The following KCNQ3 variants were observed in gnomAD, a reference collection of about 807,000 sequenced individuals.
KCNQ3 encodes potassium voltage-gated channel subfamily Q member 3.
A neutral mutation model predicts 92.5 loss-of-function variants in KCNQ3; 30 were observed. The observed-to-expected ratio is 0.32, with a 90% CI of 0.24 to 0.44. KCNQ3 has a LOEUF of 0.44. Among genes scored for constraint, KCNQ3 ranks in the 20% least tolerant of loss-of-function variants. The pLI is 1.00. For synonymous variants in KCNQ3, 450 were observed against 468.8 expected, an observed-to-expected ratio of 0.96 and a Z score of 0.52; for missense variants, 913 against 1,140.3, an observed-to-expected ratio of 0.80 and a Z score of 2.87.
At position 132,451,657 on chromosome 8, in the gene KCNQ3, G is replaced by A. The variant is rs528563563; in HGVS notation, c.386+28490C>T. Reference sequence around the variant, plus strand: ...TGTAGGTGCAGGAAGGAAGAAAGGCGTCTATTCACACAGGACTCCAACGCT... The same window carrying A: ...TGTAGGTGCAGGAAGGAAGAAAGGCATCTATTCACACAGGACTCCAACGCT... On this transcript the variant is annotated intron_variant, in intron 1 of 14. Coordinates refer to ENST00000388996, the MANE Select transcript of KCNQ3 (RefSeq NM_004519.4). Among the ~76,000 whole-genome samples the A allele has an allele frequency of 1.2e-4, 18 of 152,342 alleles. 1 individual carries two copies. Among genetic ancestry groups the A allele is most frequent in the Admixed American group, 6.5e-4 (10 of 15,298 alleles).
At chr8:132,429,674 A>G (rs1293869705) in intron 1 of KCNQ3, among the ~76,000 whole-genome samples, 2 of 152,116 alleles carry the variant, frequency 1.3e-5, no homozygotes, top group Admixed American at 1.3e-4. Context: ...CAGCCTGCCC[A>G]ACATGGTGAA....
intron 1 of KCNQ3, among the ~76,000 whole-genome samples, chr8:132,372,765 AAAAAAAAC>A (rs1819508419): frequency 6.7e-6 from 1 of 149,210 alleles, no homozygotes; most frequent in African/African-American, 2.5e-5. Flanking sequence ...GTCTCAAAAA[AAAAAAAAC>A]AAAAAAAAAA....
intron 1 of KCNQ3, among the ~76,000 whole-genome samples, chr8:132,410,684 A>G (rs923623385): frequency 9.9e-5 from 15 of 152,190 alleles, no homozygotes; most frequent in South Asian, 2.1e-4. Flanking sequence ...ACCTTTCACT[A>G]CAGCTCTGCA....
intron 1 of KCNQ3, among the ~76,000 whole-genome samples, chr8:132,401,958 G>T (rs1304624221): frequency 9.3e-6 from 1 of 107,126 alleles, no homozygotes; most frequent in African/African-American, 2.7e-5. Flanking sequence ...GAGTGAGAGG[G>T]CTGGTGCAGT....
chr8:132,206,536 C>A (rs1330952459), intron 1 of KCNQ3, among the ~76,000 whole-genome samples: 1 of 152,196 alleles, frequency 6.6e-6, no homozygotes, highest in African/African-American at 2.4e-5. Flanking sequence ...ACGAGGTTTA[C>A]AAAATTGCAC....
At chr8:132,359,513 T>C (rs1321568205) in intron 1 of KCNQ3, among the ~76,000 whole-genome samples, 2 of 152,038 alleles carry the variant, frequency 1.3e-5, no homozygotes, top group Non-Finnish European at 2.9e-5. Context: ...CACTGCACCA[T>C]GTTACGATGC....
chr8:132,416,063 GT>G (rs1587000269), intron 1 of KCNQ3, among the ~76,000 whole-genome samples: 1 of 152,200 alleles, frequency 6.6e-6, no homozygotes, highest in Non-Finnish European at 1.5e-5. Context: ...CTCAGACCTG[GT>G]GCTAGAGGTT....
chr8:132,410,093 C>T (rs1238244185), intron 1 of KCNQ3, among the ~76,000 whole-genome samples: 1 of 152,120 alleles, frequency 6.6e-6, no homozygotes, highest in Admixed American at 6.6e-5. Context: ...GGCACCACTT[C>T]AGTGTAGCTG....
At chr8:132,303,365 A>G (rs1282283734) in intron 1 of KCNQ3, among the ~76,000 whole-genome samples, 1 of 151,470 alleles carries the variant, frequency 6.6e-6, no homozygotes, top group Non-Finnish European at 1.5e-5. Context: ...ATGAATCACT[A>G]CAACACAATG....
chr8:132,309,595 C>T (rs577757476), intron 1 of KCNQ3, among the ~76,000 whole-genome samples: 1 of 152,338 alleles, frequency 6.6e-6, no homozygotes, highest in Admixed American at 6.5e-5. Context: ...CCCAGCATCG[C>T]TGACAAGCGA....
intron 1 of KCNQ3, among the ~76,000 whole-genome samples, chr8:132,362,718 G>A (rs747618764): frequency 3.3e-5 from 5 of 152,184 alleles, no homozygotes; most frequent in Non-Finnish European, 5.9e-5. Flanking sequence ...GGGGAAGCAT[G>A]AGAAAGCAGA....
intron 1 of KCNQ3, among the ~76,000 whole-genome samples, chr8:132,322,798 C>G (rs1817929973): frequency 6.6e-6 from 1 of 152,168 alleles, no homozygotes; most frequent in Non-Finnish European, 1.5e-5. Flanking sequence ...GCTTTTAAGC[C>G]TCCAAATAAC....
intron 1 of KCNQ3, among the ~76,000 whole-genome samples, chr8:132,393,027 G>A (rs1051407693): frequency 2.0e-5 from 3 of 152,060 alleles, no homozygotes; most frequent in Non-Finnish European, 4.4e-5. Flanking sequence ...TCGGTCCCCA[G>A]CATGAAGCAC....
intron 1 of KCNQ3, among the ~76,000 whole-genome samples, chr8:132,327,931 G>A (rs1818107305): frequency 1.3e-5 from 2 of 151,978 alleles, no homozygotes; most frequent in South Asian, 2.1e-4. Flanking sequence ...CAGAAATTAG[G>A]GGCAGGCCTC....
intron 1 of KCNQ3, among the ~76,000 whole-genome samples, chr8:132,420,533 G>A (rs1820939585): frequency 6.6e-6 from 1 of 152,224 alleles, no homozygotes; most frequent in South Asian, 2.1e-4. Flanking sequence ...ACACCCGGAA[G>A]TGTGTGGGCT....
intron 5 of KCNQ3, 76 bp from the exon 6 acceptor site, chr8:132,174,425 G>T: frequency 9.0e-7 from 1 of 1,111,526 alleles, no homozygotes; most frequent in Non-Finnish European, 1.3e-6. Context: ...AGCTCTACCT[G>T]TAAGCCTCTC....
chr8:132,209,467 T>C (rs1329599372), intron 1 of KCNQ3, among the ~76,000 whole-genome samples: 1 of 152,098 alleles, frequency 6.6e-6, no homozygotes, highest in Non-Finnish European at 1.5e-5. Flanking sequence ...CTCTGGGTTA[T>C]CAGGTTCTAG....
chr8:132,304,715 C>T (rs6471057), intron 1 of KCNQ3, among the ~76,000 whole-genome samples: 117,487 of 151,780 alleles, frequency 0.77, 45,923 homozygotes, highest in East Asian at 0.89. Context: ...TTCCATTCGA[C>T]AGTACTGATT....
intron 12 of KCNQ3, among the ~76,000 whole-genome samples, chr8:132,135,591 G>A (rs930278187): frequency 2.0e-5 from 3 of 152,124 alleles, no homozygotes; most frequent in African/African-American, 4.8e-5. Context: ...TGCTTAGTAA[G>A]TAGCAAAAAC....
Sources: gnomAD v4.1 joint callset for allele counts (sites outside exome capture counted in the v4.1 genomes callset) on GRCh38, gnomAD v4.1.1 for gene constraint, MANE v1.5 for transcripts, NCBI Gene and HGNC (gene_info 2026-07-23, HGNC 2026-07-21) for gene names.